The following FBXL5 variants were observed in gnomAD, a reference collection of about 807,000 sequenced individuals.
The protein encoded by FBXL5 is F-box/LRR-repeat protein 5.
Under a neutral mutation model 78.3 loss-of-function variants are expected in FBXL5, and 26 were observed. The observed-to-expected ratio is 0.33, with a 90% confidence interval of 0.24 to 0.46. The LOEUF (loss-of-function observed/expected upper bound fraction) is 0.46, where lower values mean the gene tolerates loss of function less well. Among genes scored for constraint, FBXL5 ranks in the 20% least tolerant of loss-of-function variants. The pLI is 1.00. For synonymous variants in FBXL5, 295 were observed against 282.5 expected, an observed-to-expected ratio of 1.04 and a Z score of -0.45; for missense variants, 710 against 829.2, an observed-to-expected ratio of 0.86 and a Z score of 1.77.
At chr4:15,660,399 A>G (rs373152560), upstream of FBXL5, among the ~76,000 whole-genome samples, 1 of 151,936 alleles carries the variant, frequency 6.6e-6, no homozygotes, top group East Asian at 1.9e-4. Flanking sequence ...TGTTTTAAAA[A>G]CTCAAAACAG....
rs115578993 is a variant in FBXL5 at position 15,677,840 on chromosome 4, T to C, written c.-284+3543A>G. 3.7e-3 allele frequency among the ~76,000 whole-genome samples: 562 copies of C among 152,318 alleles called. 6 individuals carry two copies. Among genetic ancestry groups the C allele is most frequent in the African/African-American group, 0.013 (543 of 41,556 alleles). ...AGTAGGTCATGGGAATGCCCAAATA[T>C]GGAGTCAGCCTGGAAGAAGTCCAAG... On this transcript the variant is annotated intron_variant, in intron 1 of 4. Coordinates refer to the FBXL5 transcript ENST00000507899.
chr4:15,633,809 G>A (rs530661814), intron 5 of FBXL5, among the ~76,000 whole-genome samples: 35 of 152,092 alleles, frequency 2.3e-4, no homozygotes, highest in South Asian at 4.1e-4. Context: ...CTTGTTGCCC[G>A]GGGTGATCTC....
At chr4:15,663,171 CATA>C (rs980029978), upstream of FBXL5, among the ~76,000 whole-genome samples, 5 of 151,834 alleles carry the variant, frequency 3.3e-5, no homozygotes, top group African/African-American at 7.3e-5. Context: ...TTATATATAC[CATA>C]ATATTTGTAT....
Position 15,630,595 on chromosome 4 carries a change from T to C in FBXL5, c.892+71A>G, listed in dbSNP as rs1416330183. The C allele has an allele frequency of 9.6e-6, 13 of 1,347,546 alleles. No homozygotes were observed. The East Asian group carries it at 3.0e-4, about 32-fold the overall frequency. The allele number at this position is 1,347,546 out of a possible 1,614,324, so 83.5% of individuals were successfully genotyped here. On this transcript the variant is annotated intron_variant, in intron 6 of 10. Transcript: ENST00000341285. Reference sequence around the variant, plus strand: ...ACACAAAATACATAAATCTAATACCTAATAATTATAAGTACTTAATTATCA... The same window carrying C: ...ACACAAAATACATAAATCTAATACCCAATAATTATAAGTACTTAATTATCA...
At chr4:15,649,022 A>G (rs1715652905) in intron 1 of FBXL5, among the ~76,000 whole-genome samples, 1 of 152,208 alleles carries the variant, frequency 6.6e-6, no homozygotes, top group African/African-American at 2.4e-5. Context: ...AAGCTGGGAA[A>G]AAATGATCAA....
chr4:15,610,715 C>T (rs1178733704), intron 10 of FBXL5, among the ~76,000 whole-genome samples: 1 of 151,956 alleles, frequency 6.6e-6, no homozygotes, highest in South Asian at 2.1e-4. Flanking sequence ...CCTCCCTCTA[C>T]CCAATAACAT....
chr4:15,672,570 A>G (rs1244950246), intron 1 of FBXL5, among the ~76,000 whole-genome samples: 1 of 152,204 alleles, frequency 6.6e-6, no homozygotes, highest in Non-Finnish European at 1.5e-5. Flanking sequence ...AAAATACAGT[A>G]TGAAAGATAA....
intron 6 of FBXL5, 138 bp from the exon 7 acceptor site, chr4:15,628,171 C>A: frequency 2.0e-5 from 17 of 840,274 alleles, no homozygotes; most frequent in Admixed American, 7.0e-5. Flanking sequence ...CATTTTTAGG[C>A]AATGAAAAGG....
intron 5 of FBXL5, among the ~76,000 whole-genome samples, chr4:15,632,492 A>G (rs1713781036): frequency 1.3e-5 from 2 of 152,182 alleles, no homozygotes; most frequent in African/African-American, 2.4e-5. Flanking sequence ...TGAATCTACA[A>G]ATTACCTTGG....
intron 1 of FBXL5, among the ~76,000 whole-genome samples, chr4:15,679,088 C>T (rs1443693071): frequency 3.8e-5 from 5 of 132,810 alleles, no homozygotes; most frequent in South Asian, 2.4e-4. Context: ...TTTTTTGAGA[C>T]GGAGTCTCAC....
intron 6 of FBXL5, among the ~76,000 whole-genome samples, chr4:15,628,287 G>C (rs541420470): frequency 6.6e-6 from 1 of 152,262 alleles, no homozygotes; most frequent in South Asian, 2.1e-4. Context: ...TACTATCACT[G>C]ATTCCACATA....
intron 6 of FBXL5, among the ~76,000 whole-genome samples, chr4:15,629,173 T>C (rs182227186): frequency 6.6e-6 from 1 of 152,218 alleles, no homozygotes; most frequent in Admixed American, 6.5e-5. Context: ...AACAGATATA[T>C]TATCTAAAAA....
chr4:15,653,195 A>C (rs1716346622), intron 1 of FBXL5, among the ~76,000 whole-genome samples: 1 of 152,192 alleles, frequency 6.6e-6, no homozygotes, highest in African/African-American at 2.4e-5. Context: ...CTCATTAACT[A>C]TATCTAATTA....
intron 2 of FBXL5, chr4:15,641,435 T>C (rs550873638): frequency 2.0e-4 from 71 of 362,948 alleles, no homozygotes; most frequent in African/African-American, 1.3e-3. Context: ...ATAAAGACAT[T>C]TATGATGATC....
chr4:15,638,825 G>A (rs186515841), intron 3 of FBXL5, 131 bp from the exon 4 acceptor site: 4 of 581,364 alleles, frequency 6.9e-6, no homozygotes, highest in East Asian at 6.3e-5. Flanking sequence ...AATTTTAGCT[G>A]TCACCACTGA....
intron 1 of FBXL5, among the ~76,000 whole-genome samples, chr4:15,676,766 CT>C (rs1157563111): frequency 2.6e-5 from 4 of 152,030 alleles, no homozygotes; most frequent in Non-Finnish European, 5.9e-5. Flanking sequence ...CAATTCTTTA[CT>C]TTTGTGTATA....
intron 5 of FBXL5, among the ~76,000 whole-genome samples, chr4:15,635,773 A>AC (rs1010438875): frequency 2.0e-5 from 3 of 151,788 alleles, no homozygotes; most frequent in African/African-American, 7.3e-5. Context: ...AAAAAAAAAA[A>AC]AAAAAACTCA....
At chr4:15,619,528 A>C (rs866310582) in intron 9 of FBXL5, among the ~76,000 whole-genome samples, 1 of 152,362 alleles carries the variant, frequency 6.6e-6, no homozygotes, top group Middle Eastern at 3.4e-3. Flanking sequence ...GGCCATATAC[A>C]TGAAAAACTC....
At chr4:15,680,947 GTTTT>G (rs1191851329) in intron 1 of FBXL5, among the ~76,000 whole-genome samples, 2 of 148,148 alleles carry the variant, frequency 1.3e-5, no homozygotes, top group Admixed American at 6.8e-5. Flanking sequence ...TCCTTTATAT[GTTTT>G]TTGTTTCACA....
Sources: allele counts gnomAD v4.1 joint callset (sites outside exome capture counted in the v4.1 genomes callset), GRCh38; gene constraint gnomAD v4.1.1; transcripts MANE v1.5; gene names NCBI Gene and HGNC (gene_info 2026-07-23, HGNC 2026-07-21).